Variants in SPMIP2 observed in about 807,000 individuals in gnomAD.
The protein encoded by SPMIP2 is sperm microtubule inner protein 2.
At chr4:159,067,347 C>G in the SPMIP2 span, among the ~76,000 whole-genome samples, 1 of 152,102 alleles carries the variant, frequency 6.6e-6, no homozygotes, top group Admixed American at 6.6e-5. Context: ...TGGGTTCAAG[C>G]GATTCTGCCT....
the SPMIP2 span, among the ~76,000 whole-genome samples, chr4:159,050,828 G>A: frequency 6.6e-6 from 1 of 151,672 alleles, no homozygotes; most frequent in African/African-American, 2.4e-5. Context: ...AAAAATCTTG[G>A]CCAGGCGCCG....
chr4:159,068,910 A>G, the SPMIP2 span, among the ~76,000 whole-genome samples: 1 of 152,144 alleles, frequency 6.6e-6, no homozygotes, highest in African/African-American at 2.4e-5. Context: ...TCCTTTTGGG[A>G]GCTACCTCTT....
the SPMIP2 span, among the ~76,000 whole-genome samples, chr4:159,059,285 T>A: frequency 3.9e-5 from 6 of 152,222 alleles, no homozygotes; most frequent in Non-Finnish European, 5.9e-5. Flanking sequence ...AGGTTCTGTA[T>A]CCTAAAATAT....
chr4:159,055,108 A>G, the SPMIP2 span, among the ~76,000 whole-genome samples: 2 of 152,120 alleles, frequency 1.3e-5, no homozygotes, highest in Non-Finnish European at 2.9e-5. Flanking sequence ...ATGCTTTTCT[A>G]TTTCTGGAGA....
chr4:158,956,305 C>T, the SPMIP2 span, among the ~76,000 whole-genome samples: 1 of 152,252 alleles, frequency 6.6e-6, no homozygotes, highest in Non-Finnish European at 1.5e-5. Flanking sequence ...GTGGCTCACG[C>T]CTGTAATCCC....
chr4:159,019,993 G>A, the SPMIP2 span, among the ~76,000 whole-genome samples: 1 of 152,082 alleles, frequency 6.6e-6, no homozygotes, highest in Non-Finnish European at 1.5e-5. Context: ...GGTGGCACAT[G>A]CCTGTAACCC....
At chr4:159,024,988 T>C in the SPMIP2 span, among the ~76,000 whole-genome samples, 14 of 152,264 alleles carry the variant, frequency 9.2e-5, no homozygotes, top group Non-Finnish European at 1.6e-4. Flanking sequence ...AAATACCCTA[T>C]GAAGTAGATA....
chr4:159,070,756 T>G, the SPMIP2 span, among the ~76,000 whole-genome samples: 1 of 152,206 alleles, frequency 6.6e-6, no homozygotes, highest in Admixed American at 6.5e-5. Context: ...ATCACTTAAA[T>G]GTATGCAGAC....
the SPMIP2 span, among the ~76,000 whole-genome samples, chr4:159,046,610 T>C: frequency 6.6e-6 from 1 of 152,242 alleles, no homozygotes; most frequent in Non-Finnish European, 1.5e-5. Flanking sequence ...TCTTGCTCTG[T>C]TGCCCAAGCT....
At chr4:158,909,747 T>G in the SPMIP2 span, among the ~76,000 whole-genome samples, 3 of 151,650 alleles carry the variant, frequency 2.0e-5, no homozygotes, top group African/African-American at 7.3e-5. Context: ...CTAATTTTTT[T>G]AAAAAAAATT....
At chr4:159,056,841 A>T in the SPMIP2 span, among the ~76,000 whole-genome samples, 1 of 152,196 alleles carries the variant, frequency 6.6e-6, no homozygotes, top group Non-Finnish European at 1.5e-5. Flanking sequence ...GGAAAGAAAG[A>T]AAGGAATTCA....
At chr4:159,080,331 C>G in the SPMIP2 span, among the ~76,000 whole-genome samples, 1 of 152,130 alleles carries the variant, frequency 6.6e-6, no homozygotes, top group South Asian at 2.1e-4. Flanking sequence ...ATCCTCCCAC[C>G]TCCACCTCCC....
the SPMIP2 span, among the ~76,000 whole-genome samples, chr4:158,919,302 C>T: frequency 6.6e-6 from 1 of 152,216 alleles, no homozygotes; most frequent in Admixed American, 6.5e-5. Flanking sequence ...ACCCATTTTG[C>T]AAAAGAATCC....
At chr4:159,065,805 C>T in the SPMIP2 span, among the ~76,000 whole-genome samples, 1 of 152,162 alleles carries the variant, frequency 6.6e-6, no homozygotes, top group African/African-American at 2.4e-5. Flanking sequence ...CATTGTAATA[C>T]ACTCACATTG....
the SPMIP2 span, chr4:159,007,371 T>C: frequency 8.8e-6 from 6 of 681,348 alleles, no homozygotes; most frequent in Non-Finnish European, 1.6e-5. Flanking sequence ...AAGCAGGAGA[T>C]GAAAGAAGTC....
the SPMIP2 span, chr4:158,960,271 T>C: frequency 6.9e-7 from 1 of 1,452,898 alleles, no homozygotes; most frequent in Non-Finnish European, 9.6e-7. Flanking sequence ...TAAAAATATA[T>C]TCATATTTGC....
At chr4:158,938,042 G>T in the SPMIP2 span, among the ~76,000 whole-genome samples, 6 of 152,178 alleles carry the variant, frequency 3.9e-5, no homozygotes, top group Non-Finnish European at 7.3e-5. Flanking sequence ...AAATGGGTCT[G>T]CGTATCTATG....
At chr4:158,934,435 G>A in the SPMIP2 span, among the ~76,000 whole-genome samples, 7 of 152,144 alleles carry the variant, frequency 4.6e-5, no homozygotes, top group East Asian at 1.9e-4. Context: ...GCACTCCAGC[G>A]TGGGTGACAG....
chr4:158,897,802 G>A, the SPMIP2 span, among the ~76,000 whole-genome samples: 7 of 152,286 alleles, frequency 4.6e-5, no homozygotes. Context: ...TGCTCACTCT[G>A]ATGATAGTTT....
Sources: allele counts gnomAD v4.1 joint callset (sites outside exome capture counted in the v4.1 genomes callset), GRCh38; gene constraint gnomAD v4.1.1; transcripts MANE v1.5; gene names NCBI Gene and HGNC (gene_info 2026-07-23, HGNC 2026-07-21).